The following ZNF354C variants were observed in gnomAD, a reference collection of about 807,000 sequenced individuals.
The protein encoded by ZNF354C is zinc finger protein 354C, also known as KRAB-zinc finger protein synten.
Under a neutral mutation model 12.4 loss-of-function variants are expected in ZNF354C, and 7 were observed. The observed-to-expected ratio is 0.56, with a 90% confidence interval of 0.32 to 1.06. The LOEUF (loss-of-function observed/expected upper bound fraction) is 1.06, where lower values mean the gene tolerates loss of function less well. Among genes scored for constraint, ZNF354C ranks in the 50% least tolerant of loss-of-function variants. The pLI is 0.04. For synonymous variants in ZNF354C, 202 were observed against 224.5 expected, an observed-to-expected ratio of 0.90 and a Z score of 0.90; for missense variants, 609 against 658.0, an observed-to-expected ratio of 0.93 and a Z score of 0.81.
chr5:179,071,601 T>G (rs1164919382), intron 2 of ZNF354C, among the ~76,000 whole-genome samples: 1 of 152,120 alleles, frequency 6.6e-6, no homozygotes, highest in Admixed American at 6.5e-5. Flanking sequence ...AAATTTTCTG[T>G]TTTTTACAGC....
In ZNF354C at chr5:179,067,851, A is replaced by T. The variant is rs1761978235; in HGVS notation, c.27+5756A>T. 3.9e-5 allele frequency among the ~76,000 whole-genome samples: 6 copies of T among 152,266 alleles called. No individual in the cohort carries two copies. In the South Asian group the frequency reaches 1.2e-3, roughly 32 times the overall value. Reference sequence around the variant, plus strand: ...ACAGAGTGAGACTCTGTCTCAAAAAAAAAAGAAGAAGAAGAATGAGGTTTG... The same window carrying T: ...ACAGAGTGAGACTCTGTCTCAAAAATAAAAGAAGAAGAAGAATGAGGTTTG... On this transcript the variant is annotated intron_variant, in intron 2 of 4. Transcript: ENST00000315475.
chr5:179,070,439 T>C (rs1762033150), intron 2 of ZNF354C, among the ~76,000 whole-genome samples: 1 of 152,204 alleles, frequency 6.6e-6, no homozygotes, highest in South Asian at 2.1e-4. Context: ...TGTCTTGTGC[T>C]GGTGAGGCTG....
In ZNF354C at chr5:179,079,973, A is replaced by G; in HGVS notation, c.1541A>G (p.His514Arg). 6.2e-7 allele frequency: 1 copy of G among 1,614,098 alleles called. No homozygotes were observed. Among genetic ancestry groups the G allele is most frequent in the Non-Finnish European group, 8.5e-7 (1 of 1,179,980 alleles). The change falls in exon 5 of 5, where the codon CAC (histidine) becomes CGC (arginine). Residue 514 changes from histidine (H) to arginine (R), a missense_variant. Physicochemically the swap from His to Arg is conservative, Grantham distance 29. Coordinates refer to ENST00000315475, the MANE Select transcript of ZNF354C (RefSeq NM_014594.3). This position sits in a 1 kb window ranked among gnomAD's most constrained non-coding sequence, Gnocchi z 4.2. The part of the protein sequence containing the change: ...AYSYRSNLCR[H>R]KKVHTKEKLY... ...AGTTACAGATCAAACCTTTGTAGAC[A>G]CAAAAAAGTTCACACGAAAGAGAAA...
chr5:179,065,710 C>T (rs1373431441), intron 2 of ZNF354C, among the ~76,000 whole-genome samples: 2 of 152,140 alleles, frequency 1.3e-5, no homozygotes, highest in South Asian at 2.1e-4. Context: ...CCCCCATGCC[C>T]GGCCCTGATT....
chr5:179,083,550 A>G lies in ZNF354C; in HGVS notation c.*3453A>G, dbSNP rs1233510885. On this transcript the variant is annotated 3_prime_UTR_variant, in exon 5 of 5. Coordinates refer to ENST00000315475, the MANE Select transcript of ZNF354C (RefSeq NM_014594.3). ...ATTGGATAAAGAAGTGATGAATATT[A>G]ATCTTTCAATCAGAATTCTCCATTT... 1 of 152,208 alleles carries G rather than the reference A, an allele frequency of 6.6e-6. No individual in the cohort carries two copies. Among genetic ancestry groups the G allele is most frequent in the Admixed American group, 6.5e-5 (1 of 15,282 alleles). The allele number at this position is 152,208 out of a possible 1,614,324, so 9.4% of individuals were successfully genotyped here. A position where few individuals can be genotyped will look rare whatever the true frequency, so the allele number is the denominator to read the frequency against.
intron 2 of ZNF354C, among the ~76,000 whole-genome samples, chr5:179,074,636 C>G (rs559737258): frequency 2.1e-4 from 32 of 152,280 alleles, no homozygotes; most frequent in African/African-American, 7.7e-4. Context: ...ATAAGGGAGA[C>G]AGCACATGGA....
At chr5:179,061,271 C>A (rs1031044432) in intron 1 of ZNF354C, among the ~76,000 whole-genome samples, 1 of 152,158 alleles carries the variant, frequency 6.6e-6, no homozygotes, top group African/African-American at 2.4e-5. Context: ...CAGGCAGCCT[C>A]TTCCCTTGCT....
intron 2 of ZNF354C, among the ~76,000 whole-genome samples, chr5:179,068,272 G>T (rs1310619911): frequency 6.6e-6 from 1 of 152,192 alleles, no homozygotes; most frequent in East Asian, 1.9e-4. Flanking sequence ...GTAAAGCACT[G>T]CTAGTTACCT....
chr5:179,078,417 C>A (rs1279595009), intron 4 of ZNF354C, among the ~76,000 whole-genome samples: 2 of 152,294 alleles, frequency 1.3e-5, no homozygotes, highest in South Asian at 2.1e-4. Flanking sequence ...TCAGCCTGTT[C>A]TTCTGCATCT....
intron 2 of ZNF354C, among the ~76,000 whole-genome samples, chr5:179,073,655 G>GTTTT (rs1561749845): frequency 6.6e-6 from 1 of 152,052 alleles, no homozygotes; most frequent in African/African-American, 2.4e-5. Context: ...TTTTGTTGTT[G>GTTTT]TTGTTTTTTG....
rs1027722370 is a variant in ZNF354C at position 179,076,693 on chromosome 5, G to T, written c.154+122G>T. 1.1e-5 allele frequency: 14 copies of T among 1,276,786 alleles called. No individual in the cohort carries two copies. The Admixed American group carries it at 3.2e-4, about 29-fold the overall frequency. The allele number at this position is 1,276,786 out of a possible 1,614,324, so 79.1% of individuals were successfully genotyped here. A position where few individuals can be genotyped will look rare whatever the true frequency, so the allele number is the denominator to read the frequency against. Reference sequence around the variant, plus strand: ...CCCTCAGAAAGGCTGAATTGCTGTAGAGTGGAAAGTGTACATCTTTGTTGT... The same window carrying T: ...CCCTCAGAAAGGCTGAATTGCTGTATAGTGGAAAGTGTACATCTTTGTTGT... On this transcript the variant is annotated intron_variant, in intron 3 of 4. Coordinates refer to ENST00000315475, the MANE Select transcript of ZNF354C (RefSeq NM_014594.3).
chr5:179,072,281 T>A (rs1219753635), intron 2 of ZNF354C, among the ~76,000 whole-genome samples: 1 of 145,176 alleles, frequency 6.9e-6, no homozygotes, highest in Non-Finnish European at 1.5e-5. Context: ...AAAAATAAGA[T>A]ACCTGAAATT....
At position 179,079,534 on chromosome 5, in the gene ZNF354C, T is replaced by A. The variant is rs766481266; in HGVS notation, c.1102T>A (p.Phe368Ile). 6.2e-7 allele frequency: 1 copy of A among 1,614,112 alleles called. No individual in the cohort carries two copies. The highest frequency in any genetic ancestry group is 2.2e-5 in the East Asian group (1 of 44,868). Residue 368 changes from phenylalanine (F) to isoleucine (I), a missense_variant, in exon 5 of 5, where the codon TTT (phenylalanine) becomes ATT (isoleucine). By Grantham distance (21) the Phe-to-Ile change is conservative (BLOSUM62 0). Transcript: ENST00000315475. The surrounding 1 kb of genome is among the most constrained non-coding windows in gnomAD (Gnocchi z 4.2). ...TGAGTGTGGGAAGGGATACAGCCAG[T>A]TTACATCTCTAGCTGAACATCAGAG... is the stretch of plus-strand genomic sequence containing the variant. Reference protein sequence around the residue: ...CSECGKGYSQFTSLAEHQRFH... With the variant: ...CSECGKGYSQITSLAEHQRFH...
rs921765096 is a variant in ZNF354C, at chr5:179,082,530, A to C, written c.*2433A>C. 4 of 660,840 alleles carry C rather than the reference A, an allele frequency of 6.1e-6. No homozygotes were observed. The African/African-American group carries it at 7.2e-5, about 12-fold the overall frequency. The allele number at this position is 660,840 out of a possible 1,614,324, so 40.9% of individuals were successfully genotyped here. ...TTATTTTTTTAAACATAACACGAGG[A>C]AGCTGTTAAAACTGGTGTAATAGCT... On this transcript the variant is annotated 3_prime_UTR_variant, in exon 5 of 5. Coordinates refer to ENST00000315475, the MANE Select transcript of ZNF354C (RefSeq NM_014594.3).
chr5:179,078,111 T>A (rs891887232), intron 4 of ZNF354C, among the ~76,000 whole-genome samples: 1 of 152,148 alleles, frequency 6.6e-6, no homozygotes, highest in Non-Finnish European at 1.5e-5. Flanking sequence ...TGTCTTCTCT[T>A]TAACAGACTG....
In ZNF354C at chr5:179,082,478, ATTTAT is replaced by A; in HGVS notation, c.*2386_*2390del. The A allele has an allele frequency of 1.8e-6, 1 of 549,282 alleles. No individual in the cohort carries two copies. The highest frequency in any genetic ancestry group is 1.9e-5 in the African/African-American group (1 of 52,880). 34.0% of individuals were successfully genotyped at this position (549,282 alleles called of 1,614,324 possible). A position where few individuals can be genotyped will look rare whatever the true frequency, so the allele number is the denominator to read the frequency against. On this transcript the variant is annotated 3_prime_UTR_variant, in exon 5 of 5. Transcript: ENST00000315475. ...AGGACAACTGGACTTTTTTTTATAT[ATTTAT>A]TTTAAAATGGTTTTCTTAAATTTAT...
chr5:179,078,836 A>AAGAAG lies in ZNF354C; in HGVS notation c.407_411dup (p.Gln138LysfsTer11). On this transcript the variant is annotated frameshift_variant, in exon 5 of 5. Transcript: ENST00000315475. LOFTEE classifies it low-confidence loss of function (END_TRUNC). ...GCTGTGGAATTTGAGAGCGAGATAG[A>AAGAAG]AGAAGAGCAAGAGAAGAAACCTCTT... 1 of 1,614,116 alleles carries AAGAAG rather than the reference A, an allele frequency of 6.2e-7. No individual in the cohort carries two copies.
Position 179,062,040 on chromosome 5 carries a change from C to T in ZNF354C, c.-29C>T, listed in dbSNP as rs781163762. The T allele has an allele frequency of 1.9e-6, 3 of 1,613,774 alleles. No individual in the cohort carries two copies. The highest frequency in any genetic ancestry group is 1.7e-5 in the Admixed American group (1 of 60,026). On this transcript the variant is annotated 5_prime_UTR_variant, in exon 2 of 5. Coordinates refer to ENST00000315475, the MANE Select transcript of ZNF354C (RefSeq NM_014594.3). ...ACCCACCGTGTCCACACTCTGCTCT[C>T]CCTGGGCAGGAAGACTGAGGAGGAA... is the stretch of plus-strand genomic sequence containing the variant.
Position 179,079,883 on chromosome 5 carries a change from C to A in ZNF354C, c.1451C>A (p.Thr484Asn), listed in dbSNP as rs1191418288. 1 of 1,613,552 alleles carries A rather than the reference C, an allele frequency of 6.2e-7. No homozygotes were observed. The highest frequency in any genetic ancestry group is 1.3e-5 in the African/African-American group (1 of 74,804). Residue 484 changes from threonine to asparagine, a missense_variant, in exon 5 of 5, where the codon ACC (threonine) becomes AAC (asparagine). Transcript: ENST00000315475. The surrounding 1 kb of genome is among the most constrained non-coding windows in gnomAD (Gnocchi z 4.2). The stretch of plus-strand genomic sequence containing the variant: ...GCCTTCAGCCAGTATTCATTTTTAA[C>A]CGAACATGAGAGGATCCACACTGGA... ...GKAFSQYSFL[T>N]EHERIHTGEK...
Sources: gnomAD v4.1 joint callset for allele counts (sites outside exome capture counted in the v4.1 genomes callset) on GRCh38, gnomAD v4.1.1 for gene constraint, Gnocchi (gnomAD v3.1) non-coding constraint, MANE v1.5 for transcripts, NCBI Gene and HGNC (gene_info 2026-07-23, HGNC 2026-07-21) for gene names.